Variants in SUGCT observed in about 807,000 individuals in gnomAD.
SUGCT encodes succinyl-CoA:glutarate CoA-transferase.
In SUGCT, 41 loss-of-function variants were observed where a neutral mutation model predicts 55.0. That is an observed-to-expected ratio of 0.74 (90% CI 0.58 to 0.97). The LOEUF is 0.97. SUGCT is among the 50% of genes least tolerant of loss of function. SUGCT has a pLI of 0.00. For synonymous variants in SUGCT, 187 were observed against 200.4 expected (o/e 0.93, Z 0.56); for missense variants, 568 against 547.8 (o/e 1.04, Z -0.37).
chr7:40,182,545 G>C (rs913853936), intron 3 of SUGCT, among the ~76,000 whole-genome samples: 1 of 141,142 alleles, frequency 7.1e-6, no homozygotes, highest in Non-Finnish European at 1.5e-5. Flanking sequence ...CTAGGCAACA[G>C]AGCAAGACTC....
the SUGCT span, among the ~76,000 whole-genome samples, chr7:41,012,852 A>C: frequency 1.3e-5 from 2 of 152,250 alleles, no homozygotes; most frequent in East Asian, 3.9e-4. Flanking sequence ...GAATCTCAGA[A>C]TCTATGATGA....
intron 12 of SUGCT, among the ~76,000 whole-genome samples, chr7:40,640,673 C>T (rs1052773562): frequency 6.6e-6 from 1 of 152,186 alleles, no homozygotes; most frequent in African/African-American, 2.4e-5. Flanking sequence ...AAAACACATA[C>T]ACATGCACAC....
the SUGCT span, among the ~76,000 whole-genome samples, chr7:40,930,960 T>G: frequency 6.6e-6 from 1 of 152,320 alleles, no homozygotes; most frequent in Non-Finnish European, 1.5e-5. Flanking sequence ...AACACTCTGT[T>G]GAATAGGAGT....
At chr7:40,668,602 A>C (rs992995828) in intron 12 of SUGCT, among the ~76,000 whole-genome samples, 1 of 152,196 alleles carries the variant, frequency 6.6e-6, no homozygotes, top group African/African-American at 2.4e-5. Context: ...AGAAGACTCT[A>C]AAAAGTAAAG....
chr7:40,956,441 G>A, the SUGCT span, among the ~76,000 whole-genome samples: 1 of 152,076 alleles, frequency 6.6e-6, no homozygotes, highest in Non-Finnish European at 1.5e-5. Context: ...TTCTCTGATG[G>A]TAGTTTGTGT....
At chr7:40,477,996 T>C (rs1008101111) in intron 11 of SUGCT, among the ~76,000 whole-genome samples, 18 of 152,156 alleles carry the variant, frequency 1.2e-4, no homozygotes, top group Admixed American at 7.2e-4. Context: ...GGGCTTTTTT[T>C]TCCCCCACCT....
At chr7:40,248,105 G>C (rs1475491412) in intron 7 of SUGCT, among the ~76,000 whole-genome samples, 1 of 150,918 alleles carries the variant, frequency 6.6e-6, no homozygotes, top group African/African-American at 2.4e-5. Flanking sequence ...TCTGCCTCCT[G>C]GGTTCAAGCG....
chr7:40,296,720 T>C lies in SUGCT; in HGVS notation c.721-20040T>C, dbSNP rs1794174860. On this transcript the variant is annotated intron_variant, in intron 8 of 13. Transcript: ENST00000335693. ...ATTTGGTAACCTTCCTGTATAGGCC[T>C]CTAGGGTAGTGGTTAGGAAAACCTT... is the stretch of plus-strand genomic sequence containing the variant. Among the ~76,000 whole-genome samples, 4 of 151,634 alleles carry C rather than the reference T, an allele frequency of 2.6e-5. No homozygotes were observed. In the South Asian group the frequency reaches 6.2e-4, roughly 24 times the overall value.
At chr7:40,441,201 T>C (rs1788496098) in intron 9 of SUGCT, among the ~76,000 whole-genome samples, 1 of 152,166 alleles carries the variant, frequency 6.6e-6, no homozygotes, top group Non-Finnish European at 1.5e-5. Context: ...ATTTTAAAGG[T>C]AAGTACTGAT....
At chr7:40,769,415 C>T (rs1048443733) in intron 13 of SUGCT, among the ~76,000 whole-genome samples, 6 of 152,242 alleles carry the variant, frequency 3.9e-5, no homozygotes, top group East Asian at 1.9e-4. Flanking sequence ...TTTGCAGATG[C>T]GATTAATTCA....
the SUGCT span, among the ~76,000 whole-genome samples, chr7:40,875,159 G>C: frequency 8.5e-5 from 13 of 152,336 alleles, no homozygotes; most frequent in African/African-American, 2.6e-4. Flanking sequence ...GGTAGAATTT[G>C]TGTCTCACAC....
At chr7:40,311,023 C>T (rs1308219946) in intron 8 of SUGCT, among the ~76,000 whole-genome samples, 1 of 152,214 alleles carries the variant, frequency 6.6e-6, no homozygotes, top group African/African-American at 2.4e-5. Context: ...TCAACACATT[C>T]AGAGGTGGGC....
At chr7:40,880,978 C>A in the SUGCT span, among the ~76,000 whole-genome samples, 1 of 152,144 alleles carries the variant, frequency 6.6e-6, no homozygotes, top group Admixed American at 6.5e-5. Flanking sequence ...GATTATGAGG[C>A]CAAGTTGTAC....
chr7:40,215,205 C>T (rs531672197), intron 6 of SUGCT, among the ~76,000 whole-genome samples: 6 of 152,128 alleles, frequency 3.9e-5, no homozygotes, highest in South Asian at 2.1e-4. Context: ...TGCAGTGGAG[C>T]GATTATGACT....
At chr7:40,889,255 G>C in the SUGCT span, among the ~76,000 whole-genome samples, 2 of 152,170 alleles carry the variant, frequency 1.3e-5, no homozygotes, top group Non-Finnish European at 2.9e-5. Context: ...AAGTACGGGG[G>C]ATCAGTCTGT....
At chr7:40,688,722 G>A (rs1247401408) in intron 12 of SUGCT, among the ~76,000 whole-genome samples, 3 of 151,774 alleles carry the variant, frequency 2.0e-5, no homozygotes, top group Admixed American at 2.0e-4. Context: ...TTCCCCTTTT[G>A]AAAAATGTTT....
intron 13 of SUGCT, among the ~76,000 whole-genome samples, chr7:40,767,176 T>G (rs1401744229): frequency 6.6e-6 from 1 of 152,176 alleles, no homozygotes; most frequent in African/African-American, 2.4e-5. Flanking sequence ...ACAAGTTGGC[T>G]TACAGGAATT....
At chr7:40,978,155 T>G in the SUGCT span, among the ~76,000 whole-genome samples, 1 of 152,166 alleles carries the variant, frequency 6.6e-6, no homozygotes, top group Non-Finnish European at 1.5e-5. Flanking sequence ...TGGCCAGCCC[T>G]TGGAATACAG....
chr7:40,818,626 T>C (rs1226699777), intron 13 of SUGCT, among the ~76,000 whole-genome samples: 1 of 152,120 alleles, frequency 6.6e-6, no homozygotes, highest in African/African-American at 2.4e-5. Context: ...AACACTGGAA[T>C]TGGGATCTTA....
Sources: allele counts gnomAD v4.1 joint callset (sites outside exome capture counted in the v4.1 genomes callset), GRCh38; gene constraint gnomAD v4.1.1; transcripts MANE v1.5; gene names NCBI Gene and HGNC (gene_info 2026-07-23, HGNC 2026-07-21).